The following MAP3K21 variants were observed in gnomAD, a reference collection of about 807,000 sequenced individuals.
MAP3K21 encodes mitogen-activated protein kinase kinase kinase MLK4.
A neutral mutation model predicts 86.1 loss-of-function variants in MAP3K21; 63 were observed. The observed-to-expected ratio is 0.73, with a 90% CI of 0.60 to 0.90. MAP3K21 has a LOEUF of 0.90. MAP3K21 is among the 40% of genes least tolerant of loss of function. The pLI, the probability that MAP3K21 is intolerant of heterozygous loss-of-function variation, is 0.00. For missense variants in MAP3K21, 1,220 were observed against 1,367.7 expected, an observed-to-expected ratio of 0.89 and a Z score of 1.70; for synonymous variants, 558 against 564.8, an observed-to-expected ratio of 0.99 and a Z score of 0.17.
At chr1:233,374,185 A>G (rs1345857647) in intron 6 of MAP3K21, 1 of 146,030 alleles carries the variant, frequency 6.8e-6, no homozygotes, top group African/African-American at 2.5e-5. Context: ...ATGCATCTAC[A>G]TTTTTTTTTT....
At chr1:233,359,831 C>A (rs1008513955) in intron 4 of MAP3K21, among the ~76,000 whole-genome samples, 9 of 152,324 alleles carry the variant, frequency 5.9e-5, no homozygotes, top group African/African-American at 2.2e-4. Context: ...TTGAAGTATT[C>A]AAAGGGTTCT....
At chr1:233,344,198 A>C (rs1663090046) in intron 1 of MAP3K21, among the ~76,000 whole-genome samples, 1 of 152,238 alleles carries the variant, frequency 6.6e-6, no homozygotes, top group South Asian at 2.1e-4. Context: ...TCAAGCTACC[A>C]ATGACTTTCT....
chr1:233,339,407 C>T (rs1294269), intron 1 of MAP3K21, among the ~76,000 whole-genome samples: 1,070 of 38,058 alleles, frequency 0.028, 70 homozygotes, highest in African/African-American at 0.08. Context: ...TTCTCCTCCT[C>T]CTCCTCCTCC....
At chr1:233,339,127 G>A (rs1174578853) in intron 1 of MAP3K21, among the ~76,000 whole-genome samples, 1 of 152,056 alleles carries the variant, frequency 6.6e-6, no homozygotes, top group Non-Finnish European at 1.5e-5. Context: ...ATGATCAACC[G>A]TATCAAATGC....
At chr1:233,372,439 A>G in intron 6 of MAP3K21, 1 of 411,080 alleles carries the variant, frequency 2.4e-6, no homozygotes. Context: ...CATTCTGTTA[A>G]ACACTTGCAC....
intron 5 of MAP3K21, among the ~76,000 whole-genome samples, chr1:233,371,161 C>T (rs2102763871): frequency 6.6e-6 from 1 of 152,266 alleles, no homozygotes; most frequent in East Asian, 1.9e-4. Flanking sequence ...TGTAGAATGC[C>T]TAGAGCACAA....
At chr1:233,356,304 C>CTATGTG (rs746066095) in intron 4 of MAP3K21, among the ~76,000 whole-genome samples, 3 of 152,176 alleles carry the variant, frequency 2.0e-5, no homozygotes, top group Non-Finnish European at 4.4e-5. Context: ...AGTTCATGAA[C>CTATGTG]TATGCTTTTA....
chr1:233,370,369 CT>C (rs1229486658), intron 5 of MAP3K21, among the ~76,000 whole-genome samples: 3 of 152,118 alleles, frequency 2.0e-5, no homozygotes, highest in Non-Finnish European at 4.4e-5. Flanking sequence ...GGATTCAGAT[CT>C]AAGTTTGCTA....
intron 1 of MAP3K21, among the ~76,000 whole-genome samples, chr1:233,341,206 C>T (rs1425730974): frequency 1.3e-5 from 2 of 152,142 alleles, no homozygotes; most frequent in Admixed American, 1.3e-4. Context: ...CTGGTTTGTA[C>T]ATTAAAATCA....
intron 4 of MAP3K21, among the ~76,000 whole-genome samples, chr1:233,359,781 A>T (rs1209161971): frequency 6.6e-6 from 1 of 152,246 alleles, no homozygotes; most frequent in African/African-American, 2.4e-5. Flanking sequence ...TACTGCTAGT[A>T]ATCTCATCAA....
chr1:233,367,890 T>C (rs1663609654), intron 5 of MAP3K21, among the ~76,000 whole-genome samples: 1 of 152,086 alleles, frequency 6.6e-6, no homozygotes, highest in Non-Finnish European at 1.5e-5. Flanking sequence ...GTTTTCTTTC[T>C]GTTTACAACA....
chr1:233,376,449 G>A lies in MAP3K21; in HGVS notation c.1846G>A (p.Gly616Ser). The change falls in exon 8 of 10, where the codon GGC (glycine) becomes AGC (serine). Residue 616 changes from glycine (G) to serine (S), a missense_variant. By Grantham distance (56) the Gly-to-Ser change is moderately conservative (BLOSUM62 0). Around this residue, in one of 5 missense-constraint regions of MAP3K21, gnomAD observed 632 missense variants for 691.3 expected, o/e 0.91. Transcript: ENST00000366624. ...TTGTAGGATAAGACCTCTCTCCGATGGCAACAGTCCTTGGTCAACTATCTT... is the reference window on the plus strand; with the variant it reads ...TTGTAGGATAAGACCTCTCTCCGATAGCAACAGTCCTTGGTCAACTATCTT... ...CKERIRPLSD[G>S]NSPWSTILIK... 1 of 1,612,966 alleles carries A rather than the reference G, an allele frequency of 6.2e-7. No homozygotes were observed. The highest frequency in any genetic ancestry group is 1.1e-5 in the South Asian group (1 of 90,982).
At chr1:233,337,943 T>G (rs1291711329) in intron 1 of MAP3K21, among the ~76,000 whole-genome samples, 1 of 152,240 alleles carries the variant, frequency 6.6e-6, no homozygotes, top group Non-Finnish European at 1.5e-5. Context: ...TGGTTTATTT[T>G]GTTTCAGATT....
chr1:233,332,880 G>A (rs1166145226), intron 1 of MAP3K21, among the ~76,000 whole-genome samples: 1 of 151,900 alleles, frequency 6.6e-6, no homozygotes, highest in Non-Finnish European at 1.5e-5. Context: ...ATGGGGAACT[G>A]AGCCACAAAT....
Position 233,362,113 on chromosome 1 carries a change from G to C in MAP3K21, c.1372G>C (p.Glu458Gln). The C allele has an allele frequency of 6.2e-7, 1 of 1,613,954 alleles. No homozygotes were observed. The highest frequency in any genetic ancestry group is 8.5e-7 in the Non-Finnish European group (1 of 1,179,902). Residue 458 changes from glutamate to glutamine, a missense_variant, in exon 5 of 10, where the codon GAG (glutamate) becomes CAG (glutamine). This residue lies in a region of MAP3K21 where 126 missense variants were observed against 127.7 expected (regional missense o/e 0.99). Coordinates refer to ENST00000366624, the MANE Select transcript of MAP3K21 (RefSeq NM_032435.3). ...GGCTCTGCAGCAGAAGTCTCAGGAG[G>C]AGCTGCTAAAGCGGCGTGAGCAGCA... The part of the protein sequence containing the change: ...RAALQQKSQE[E>Q]LLKRREQQLA...
At chr1:233,356,214 C>A (rs976938021) in intron 4 of MAP3K21, among the ~76,000 whole-genome samples, 1 of 152,166 alleles carries the variant, frequency 6.6e-6, no homozygotes, top group Admixed American at 6.5e-5. Context: ...TCTTGTGCTT[C>A]TCTTATCATG....
At chr1:233,367,696 T>C (rs1321095513) in intron 5 of MAP3K21, among the ~76,000 whole-genome samples, 1 of 151,838 alleles carries the variant, frequency 6.6e-6, no homozygotes, top group African/African-American at 2.4e-5. Context: ...CCCATCTCTA[T>C]TAAAAGTACA....
At chr1:233,382,039 A>G (rs974709574) in intron 9 of MAP3K21, among the ~76,000 whole-genome samples, 1 of 152,182 alleles carries the variant, frequency 6.6e-6, no homozygotes, top group Admixed American at 6.5e-5. Context: ...ACTCTTTGCA[A>G]ACTTGCAGGA....
chr1:233,341,033 G>A (rs561648545), intron 1 of MAP3K21, among the ~76,000 whole-genome samples: 2 of 152,282 alleles, frequency 1.3e-5, no homozygotes, highest in Non-Finnish European at 2.9e-5. Flanking sequence ...CCTCATGGTT[G>A]AATAAGTAGG....
Sources: gnomAD v4.1 joint callset for allele counts (sites outside exome capture counted in the v4.1 genomes callset) on GRCh38, gnomAD v4.1.1 for gene constraint, gnomAD v4.1.1 regional missense constraint, MANE v1.5 for transcripts, NCBI Gene and HGNC (gene_info 2026-07-23, HGNC 2026-07-21) for gene names.